The following VRK2 variants were observed in gnomAD, a reference collection of about 807,000 sequenced individuals.
The protein encoded by VRK2 is VRK serine/threonine kinase 2.
In VRK2, 60 loss-of-function variants were observed where a neutral mutation model predicts 57.6. The observed-to-expected ratio is 1.04, with a 90% CI of 0.85 to 1.29. The LOEUF (loss-of-function observed/expected upper bound fraction) is 1.29, where lower values mean the gene tolerates loss of function less well. VRK2 is among the 50% of genes most tolerant of loss of function. The probability of loss-of-function intolerance (pLI) is 0.00; values close to 1 mark genes in which losing one functional copy is unlikely to be tolerated. For missense variants in VRK2, 705 were observed against 588.1 expected, an observed-to-expected ratio of 1.20 and a Z score of -2.06; for synonymous variants, 231 against 199.2, an observed-to-expected ratio of 1.16 and a Z score of -1.35.
chr2:58,154,731 G>A (rs1456247217), intron 12 of VRK2: 1 of 717,174 alleles, frequency 1.4e-6, no homozygotes, highest in Non-Finnish European at 2.6e-6. Context: ...TGATCTTGGT[G>A]TATTTTCTTC....
chr2:58,022,904 G>A (rs941018659), intron 1 of VRK2, among the ~76,000 whole-genome samples: 3 of 152,064 alleles, frequency 2.0e-5, no homozygotes, highest in East Asian at 1.9e-4. Flanking sequence ...GGAAGTTTAC[G>A]TACTGGAAGG....
intron 2 of VRK2, among the ~76,000 whole-genome samples, chr2:58,054,025 C>G (rs781499291): frequency 1.3e-5 from 2 of 151,954 alleles, no homozygotes; most frequent in Non-Finnish European, 2.9e-5. Flanking sequence ...GACTTACAGA[C>G]AAGAAATAAA....
At chr2:58,041,728 G>A (rs1287728214), upstream of VRK2, among the ~76,000 whole-genome samples, 1 of 152,070 alleles carries the variant, frequency 6.6e-6, no homozygotes, top group African/African-American at 2.4e-5. Context: ...ATCTTTTTAA[G>A]TCTGATAAGA....
chr2:58,133,275 C>G (rs1310907364), intron 9 of VRK2, among the ~76,000 whole-genome samples: 1 of 151,882 alleles, frequency 6.6e-6, no homozygotes, highest in African/African-American at 2.4e-5. Flanking sequence ...ATGTATAATG[C>G]TAATAAATCA....
In VRK2 at chr2:58,039,498, C is replaced by T. The variant is rs184097106; in HGVS notation, c.-6+5945C>T. ...CCTTCTTAATTATTTTTCTCCCTAGCATTTCTTTTTATTTCAATATGAATT... is the reference window on the plus strand; with the variant it reads ...CCTTCTTAATTATTTTTCTCCCTAGTATTTCTTTTTATTTCAATATGAATT... On this transcript the variant is annotated intron_variant, in intron 3 of 15. Coordinates refer to the VRK2 transcript ENST00000417641. Among the ~76,000 whole-genome samples, 441 of 152,148 alleles carry T rather than the reference C, an allele frequency of 2.9e-3. 3 individuals are homozygous for T. Among genetic ancestry groups the T allele is most frequent in the African/African-American group, 9.2e-3 (380 of 41,514 alleles).
chr2:57,974,376 A>G (rs1350527562), intron 1 of VRK2, among the ~76,000 whole-genome samples: 1 of 151,930 alleles, frequency 6.6e-6, no homozygotes, highest in Non-Finnish European at 1.5e-5. Flanking sequence ...AAACTAACAT[A>G]AAATACTCAC....
chr2:58,036,321 T>C (rs1051427422), intron 3 of VRK2, among the ~76,000 whole-genome samples: 1 of 151,996 alleles, frequency 6.6e-6, no homozygotes, highest in Admixed American at 6.6e-5. Context: ...CTTTAAACTA[T>C]AAAGTATCTA....
intron 1 of VRK2, among the ~76,000 whole-genome samples, chr2:57,921,429 T>G (rs1212843377): frequency 6.6e-6 from 1 of 152,008 alleles, no homozygotes; most frequent in Non-Finnish European, 1.5e-5. Flanking sequence ...TGGGGAGTGA[T>G]AGCCTTGTGT....
At chr2:58,115,805 G>A (rs1440526096) in intron 7 of VRK2, among the ~76,000 whole-genome samples, 2 of 152,232 alleles carry the variant, frequency 1.3e-5, no homozygotes, top group Non-Finnish European at 1.5e-5. Context: ...GTACAGCCCA[G>A]GTAATTTGCT....
At chr2:58,094,166 A>G (rs146282994) in intron 7 of VRK2, among the ~76,000 whole-genome samples, 6,585 of 152,180 alleles carry the variant, frequency 0.043, 488 homozygotes, top group African/African-American at 0.15. Context: ...TTGGTTCCAT[A>G]TGAACTTTAG....
At chr2:58,069,913 T>C (rs1669150266) in intron 2 of VRK2, among the ~76,000 whole-genome samples, 1 of 152,122 alleles carries the variant, frequency 6.6e-6, no homozygotes, top group Non-Finnish European at 1.5e-5. Flanking sequence ...AAATGGAATA[T>C]CTGATTCAAG....
intron 1 of VRK2, among the ~76,000 whole-genome samples, chr2:58,024,861 AT>A (rs1380210750): frequency 6.6e-6 from 1 of 152,242 alleles, no homozygotes; most frequent in Non-Finnish European, 1.5e-5. Context: ...AGAATCCATC[AT>A]TTTGGGGGCT....
intron 11 of VRK2, among the ~76,000 whole-genome samples, chr2:58,145,667 C>T (rs1399900033): frequency 6.6e-6 from 1 of 151,642 alleles, no homozygotes; most frequent in Non-Finnish European, 1.5e-5. Flanking sequence ...GGTACATGTG[C>T]ACAACCTGCA....
At chr2:58,088,943 T>C (rs1672006549) in intron 6 of VRK2, among the ~76,000 whole-genome samples, 1 of 152,236 alleles carries the variant, frequency 6.6e-6, no homozygotes, top group African/African-American at 2.4e-5. Context: ...CACATTTGTT[T>C]ATACTACATA....
At chr2:58,063,543 G>C (rs998206455) in intron 2 of VRK2, among the ~76,000 whole-genome samples, 38 of 151,994 alleles carry the variant, frequency 2.5e-4, no homozygotes, top group African/African-American at 4.6e-4. Context: ...TAAGCCTGCT[G>C]TTGAAACCTA....
At chr2:57,953,930 C>A (rs1212721618) in intron 1 of VRK2, among the ~76,000 whole-genome samples, 5 of 152,128 alleles carry the variant, frequency 3.3e-5, no homozygotes, top group African/African-American at 1.2e-4. Flanking sequence ...GATAATATTA[C>A]TTAAGATAAC....
rs1380866211 is a variant in VRK2 at position 58,047,360 on chromosome 2, A to T, written c.-6+492A>T. The T allele has an allele frequency of 4.2e-6, 4 of 941,832 alleles. No individual in the cohort carries two copies. The African/African-American group carries it at 7.1e-5, about 17-fold the overall frequency. 58.3% of individuals were successfully genotyped at this position (941,832 alleles called of 1,614,324 possible). A position where few individuals can be genotyped will look rare whatever the true frequency, so the allele number is the denominator to read the frequency against. The stretch of plus-strand genomic sequence containing the variant: ...GCTCGGAAACTCGTGTTGAGGACTC[A>T]TCTTAGCCCTGGGAAGGTACCCAGA... On this transcript the variant is annotated intron_variant, in intron 1 of 12. Transcript: ENST00000340157.
At chr2:58,128,726 C>T (rs1024074802) in intron 8 of VRK2, among the ~76,000 whole-genome samples, 13 of 152,114 alleles carry the variant, frequency 8.5e-5, no homozygotes, top group African/African-American at 2.9e-4. Flanking sequence ...TGATATTGAC[C>T]AAATTATTTA....
At chr2:58,055,167 C>G (rs1019498939) in intron 2 of VRK2, among the ~76,000 whole-genome samples, 7 of 152,172 alleles carry the variant, frequency 4.6e-5, no homozygotes, top group African/African-American at 1.4e-4. Flanking sequence ...CTGCATGCTG[C>G]CCCTCCAAAC....
Sources: allele counts gnomAD v4.1 joint callset (sites outside exome capture counted in the v4.1 genomes callset), GRCh38; gene constraint gnomAD v4.1.1; transcripts MANE v1.5; gene names NCBI Gene and HGNC (gene_info 2026-07-23, HGNC 2026-07-21).